The following IRS1 variants were observed in gnomAD, a reference collection of about 807,000 sequenced individuals.
The protein encoded by IRS1 is insulin receptor substrate 1.
In IRS1, 34 loss-of-function variants were observed where a neutral mutation model predicts 65.6. The ratio of observed to expected loss-of-function variants is 0.52; its 90% CI spans 0.39 to 0.69. The LOEUF (loss-of-function observed/expected upper bound fraction) is 0.69, where lower values mean the gene tolerates loss of function less well. Ranked by LOEUF, IRS1 falls within the 30% of genes least tolerant of loss-of-function variation. The pLI, the probability that IRS1 is intolerant of heterozygous loss-of-function variation, is 0.00. For synonymous variants in IRS1, 699 were observed against 683.5 expected (o/e 1.02, Z -0.35); for missense variants, 1,641 against 1,720.2 (o/e 0.95, Z 0.81).
intron 1 of IRS1, among the ~76,000 whole-genome samples, chr2:226,750,531 C>A (rs189863211): frequency 1.3e-5 from 2 of 151,972 alleles, no homozygotes; most frequent in Non-Finnish European, 2.9e-5. Flanking sequence ...GTAAAAAAGA[C>A]CCAAAAATGT....
rs1332697523 is a variant in IRS1, at chr2:226,733,174, CTG to C, written c.*3096_*3097del. On this transcript the variant is annotated 3_prime_UTR_variant, in exon 2 of 2. Transcript: ENST00000305123. ...AACAGGGCTTCAGTATTGTAAAATA[CTG>C]TTTCTTACCATACAGAAAAATTGTT... The C allele has an allele frequency of 6.6e-6, 1 of 152,138 alleles. No homozygotes were observed. The highest frequency in any genetic ancestry group is 1.5e-5 in the Non-Finnish European group (1 of 68,020). The allele number at this position is 152,138 out of a possible 1,614,324, so 9.4% of individuals were successfully genotyped here.
chr2:226,798,316 G>T lies in IRS1; in HGVS notation c.423C>A (p.Gly141=), dbSNP rs1939794825. The T allele has an allele frequency of 1.2e-6, 2 of 1,613,166 alleles. No homozygotes were observed. Among genetic ancestry groups the T allele is most frequent in the East Asian group, 4.5e-5 (2 of 44,878 alleles). The change falls in exon 1 of 2, where the codon GGC becomes GGA. Residue 141 remains glycine (G), a synonymous_variant. Coordinates refer to ENST00000305123, the MANE Select transcript of IRS1 (RefSeq NM_005544.3). This position sits in a 1 kb window ranked among gnomAD's most constrained non-coding sequence, Gnocchi z 9.4. ...GGGGSCSGSS[G]LGEAGEDLSY... ...TCAAGTCCTCCCCAGCCTCACCAAGGCCGGAGCTGCCGCTGCAGCTGCCCC... is the reference window on the plus strand; with the variant it reads ...TCAAGTCCTCCCCAGCCTCACCAAGTCCGGAGCTGCCGCTGCAGCTGCCCC...
chr2:226,787,291 C>T (rs1010121195), intron 1 of IRS1, among the ~76,000 whole-genome samples: 1 of 152,104 alleles, frequency 6.6e-6, no homozygotes, highest in Non-Finnish European at 1.5e-5. Context: ...ATTTAGTATG[C>T]TGATGGTATT....
chr2:226,753,100 G>A (rs2106163498), intron 1 of IRS1, among the ~76,000 whole-genome samples: 1 of 152,312 alleles, frequency 6.6e-6, no homozygotes, highest in African/African-American at 2.4e-5. Context: ...AGGGATGGAA[G>A]GGACTTGACA....
intron 1 of IRS1, among the ~76,000 whole-genome samples, chr2:226,756,261 C>T (rs62190992): frequency 6.6e-6 from 1 of 152,188 alleles, no homozygotes; most frequent in African/African-American, 2.4e-5. Context: ...ACTGAAAGTT[C>T]TGTTGCTAAA....
chr2:226,791,928 C>T (rs1939619113), intron 1 of IRS1, among the ~76,000 whole-genome samples: 1 of 151,988 alleles, frequency 6.6e-6, no homozygotes, highest in South Asian at 2.1e-4. Context: ...CGAAAGGGGG[C>T]TCGGAAGAGG....
At chr2:226,783,409 C>A (rs1309602935) in intron 1 of IRS1, among the ~76,000 whole-genome samples, 1 of 152,134 alleles carries the variant, frequency 6.6e-6, no homozygotes, top group Non-Finnish European at 1.5e-5. Flanking sequence ...TTCCTCATGC[C>A]ACATTTTGCA....
intron 1 of IRS1, among the ~76,000 whole-genome samples, chr2:226,738,526 T>C (rs1938373339): frequency 6.6e-6 from 1 of 152,190 alleles, no homozygotes; most frequent in East Asian, 1.9e-4. Context: ...ACGATCACAA[T>C]ATAAAAACAA....
At chr2:226,774,929 T>C (rs1939239600) in intron 1 of IRS1, among the ~76,000 whole-genome samples, 2 of 151,790 alleles carry the variant, frequency 1.3e-5, no homozygotes, top group Admixed American at 6.6e-5. Context: ...TTGCCAGGGG[T>C]TGGGGAGAGA....
intron 1 of IRS1, among the ~76,000 whole-genome samples, chr2:226,787,002 G>T (rs1236430974): frequency 6.6e-6 from 1 of 151,990 alleles, no homozygotes; most frequent in Non-Finnish European, 1.5e-5. Flanking sequence ...AAAGAAAAAA[G>T]TCCTTGAATA....
In IRS1 at chr2:226,799,093, G is replaced by C; in HGVS notation, c.-355C>G. 1 of 1,212,912 alleles carries C rather than the reference G, an allele frequency of 8.2e-7. No individual in the cohort carries two copies. Among genetic ancestry groups the C allele is most frequent in the South Asian group, 1.9e-5 (1 of 53,696 alleles). The allele number at this position is 1,212,912 out of a possible 1,614,324, so 75.1% of individuals were successfully genotyped here. A position where few individuals can be genotyped will look rare whatever the true frequency, so the allele number is the denominator to read the frequency against. ...TCTCTCGTCGCCCCGGCTGGAGTCC[G>C]GCACAGGGAGGCGACAGTCGGGGGT... On this transcript the variant is annotated 5_prime_UTR_variant, in exon 1 of 2. Transcript: ENST00000305123. This position sits in a 1 kb window ranked among gnomAD's most constrained non-coding sequence, Gnocchi z 6.1.
intron 1 of IRS1, among the ~76,000 whole-genome samples, chr2:226,761,300 G>A (rs1460201171): frequency 6.6e-6 from 1 of 152,130 alleles, no homozygotes; most frequent in Non-Finnish European, 1.5e-5. Context: ...ATGCATTTTG[G>A]TAATAAATTT....
At chr2:226,747,392 C>T (rs1938569316) in intron 1 of IRS1, among the ~76,000 whole-genome samples, 1 of 151,932 alleles carries the variant, frequency 6.6e-6, no homozygotes, top group Non-Finnish European at 1.5e-5. Flanking sequence ...GATAAGTGCC[C>T]TTATGATGAA....
chr2:226,749,393 T>G (rs1463686680), intron 1 of IRS1, among the ~76,000 whole-genome samples: 1 of 152,204 alleles, frequency 6.6e-6, no homozygotes. Context: ...ACACAGCCAC[T>G]GACTTGCCCC....
At chr2:226,772,725 C>T (rs1376359051) in intron 1 of IRS1, among the ~76,000 whole-genome samples, 1 of 148,466 alleles carries the variant, frequency 6.7e-6, no homozygotes, top group Non-Finnish European at 1.5e-5. Flanking sequence ...AAGATGATTA[C>T]AAGAAAATAA....
intron 1 of IRS1, among the ~76,000 whole-genome samples, chr2:226,756,115 A>G (rs1448604798): frequency 6.6e-6 from 1 of 152,224 alleles, no homozygotes; most frequent in African/African-American, 2.4e-5. Context: ...GAAGCAGCAA[A>G]TTAATATCAG....
intron 1 of IRS1, among the ~76,000 whole-genome samples, chr2:226,756,159 A>C (rs1938797146): frequency 6.6e-6 from 1 of 152,222 alleles, no homozygotes; most frequent in Non-Finnish European, 1.5e-5. Context: ...GGCAGATACA[A>C]GATTTAGGGG....
chr2:226,796,862 C>A lies in IRS1; in HGVS notation c.1877G>T (p.Arg626Leu). 6.5e-7 allele frequency: 1 copy of A among 1,540,052 alleles called. No homozygotes were observed. The highest frequency in any genetic ancestry group is 8.8e-7 in the Non-Finnish European group (1 of 1,142,092). ...SPGVAPVPSGRKGSGDYMPMS... is the reference protein window; with the variant it reads ...SPGVAPVPSGLKGSGDYMPMS... ...GGGCATATAGTCTCCACTGCCCTTT[C>A]GGCCACTGGGCACTGGGGCCACCCC... The change falls in exon 1 of 2, where the codon CGA becomes CTA. Residue 626 changes from arginine to leucine, a missense_variant. Physicochemically the swap from Arg to Leu is moderately radical, Grantham distance 102. Transcript: ENST00000305123.
rs1413563048 is a variant in IRS1 at position 226,736,264 on chromosome 2, G to A, written c.*22-14C>T. On this transcript the variant is annotated splice_polypyrimidine_tract_variant and intron_variant, in intron 1 of 1. Coordinates refer to ENST00000305123, the MANE Select transcript of IRS1 (RefSeq NM_005544.3). ...TAGGTCTTCATTCTGAAAAGAAAAA[G>A]GAAAGAATTCAGCACCACAGGTATC... 6.6e-6 allele frequency: 1 copy of A among 152,124 alleles called. No individual in the cohort carries two copies. Among genetic ancestry groups the A allele is most frequent in the Admixed American group, 6.6e-5 (1 of 15,248 alleles). 9.4% of individuals were successfully genotyped at this position (152,124 alleles called of 1,614,324 possible). A position where few individuals can be genotyped will look rare whatever the true frequency, so the allele number is the denominator to read the frequency against.
Sources: gnomAD v4.1 joint callset for allele counts (sites outside exome capture counted in the v4.1 genomes callset) on GRCh38, gnomAD v4.1.1 for gene constraint, Gnocchi (gnomAD v3.1) non-coding constraint, MANE v1.5 for transcripts, NCBI Gene and HGNC (gene_info 2026-07-23, HGNC 2026-07-21) for gene names.